The following GRID2 variants were observed in gnomAD, a reference collection of about 807,000 sequenced individuals.
GRID2 encodes glutamate receptor ionotropic, delta-2.
Under a neutral mutation model 114.8 loss-of-function variants are expected in GRID2, and 33 were observed. The observed-to-expected ratio is 0.29, with a 90% confidence interval of 0.22 to 0.38. The LOEUF (loss-of-function observed/expected upper bound fraction) is 0.38. GRID2 is among the 10% of genes least tolerant of loss of function. The probability of loss-of-function intolerance (pLI) is 1.00; values close to 1 mark genes in which losing one functional copy is unlikely to be tolerated. For synonymous variants in GRID2, 505 were observed against 449.9 expected (o/e 1.12, Z -1.55); for missense variants, 1,184 against 1,257.7 (o/e 0.94, Z 0.89).
At chr4:92,516,712 C>T (rs941812675) in intron 1 of GRID2, among the ~76,000 whole-genome samples, 10 of 151,812 alleles carry the variant, frequency 6.6e-5, no homozygotes, top group South Asian at 4.1e-4. Context: ...AAACAGGCAA[C>T]GAGATGAGTG....
chr4:92,329,648 C>T (rs556223379), intron 1 of GRID2, among the ~76,000 whole-genome samples: 2 of 151,858 alleles, frequency 1.3e-5, no homozygotes, highest in Non-Finnish European at 2.9e-5. Context: ...TGTAGAATAT[C>T]TACATATGCC....
intron 1 of GRID2, among the ~76,000 whole-genome samples, chr4:92,322,498 A>G (rs942435007): frequency 1.9e-4 from 29 of 152,280 alleles, no homozygotes; most frequent in Non-Finnish European, 4.0e-4. Context: ...ATTACTACAC[A>G]TTGCATGTGT....
chr4:92,306,960 A>G (rs919144074), intron 1 of GRID2, among the ~76,000 whole-genome samples: 1 of 152,194 alleles, frequency 6.6e-6, no homozygotes, highest in Non-Finnish European at 1.5e-5. Flanking sequence ...TAATATTGTC[A>G]TGAGGCTAGC....
At chr4:93,476,312 T>C (rs1165168362) in intron 11 of GRID2, among the ~76,000 whole-genome samples, 1 of 152,068 alleles carries the variant, frequency 6.6e-6, no homozygotes, top group African/African-American at 2.4e-5. Flanking sequence ...ATGGTGGAAG[T>C]GAGAAAAACA....
chr4:92,535,211 A>G lies in GRID2; in HGVS notation c.89-54920A>G, dbSNP rs138438112. ...AGATGTTTATATTTTAAGAATCTATATCTACAATGTAGTTAAAGAGGTGTT... is the reference window on the plus strand; with the variant it reads ...AGATGTTTATATTTTAAGAATCTATGTCTACAATGTAGTTAAAGAGGTGTT... On this transcript the variant is annotated intron_variant, in intron 1 of 15. Transcript: ENST00000282020. Among the ~76,000 whole-genome samples the G allele has an allele frequency of 1.7e-3, 263 of 152,286 alleles. 1 individual carries two copies. The highest frequency in any genetic ancestry group is 6.2e-3 in the African/African-American group (258 of 41,572).
intron 1 of GRID2, among the ~76,000 whole-genome samples, chr4:92,371,896 T>C (rs1729134080): frequency 6.6e-6 from 1 of 152,180 alleles, no homozygotes. Flanking sequence ...ACATTCATTA[T>C]TCATGGGAGA....
intron 2 of GRID2, among the ~76,000 whole-genome samples, chr4:92,936,198 C>CGAAT (rs1750662154): frequency 6.8e-6 from 1 of 146,176 alleles, no homozygotes; most frequent in African/African-American, 2.4e-5. Flanking sequence ...TCTTCACAAA[C>CGAAT]GAATCATTAT....
intron 2 of GRID2, among the ~76,000 whole-genome samples, chr4:92,697,624 T>C (rs1427927455): frequency 6.6e-6 from 1 of 152,144 alleles, no homozygotes; most frequent in Non-Finnish European, 1.5e-5. Flanking sequence ...TAAAGGGATA[T>C]ATGTGAGCTT....
At chr4:92,814,154 A>T (rs1350172046) in intron 2 of GRID2, among the ~76,000 whole-genome samples, 1 of 152,018 alleles carries the variant, frequency 6.6e-6, no homozygotes, top group Non-Finnish European at 1.5e-5. Flanking sequence ...CACATTTTGT[A>T]TTTGTGTCTT....
chr4:93,650,246 GA>G (rs1329741984), intron 14 of GRID2, among the ~76,000 whole-genome samples: 2 of 151,536 alleles, frequency 1.3e-5, no homozygotes, highest in Admixed American at 6.6e-5. Flanking sequence ...GGAAAGTGGG[GA>G]AAAAAAATAA....
At chr4:93,238,064 A>T (rs1021458976) in intron 7 of GRID2, among the ~76,000 whole-genome samples, 3 of 151,764 alleles carry the variant, frequency 2.0e-5, no homozygotes, top group African/African-American at 7.2e-5. Flanking sequence ...ATGGTGGCAA[A>T]AACTTGAGCC....
chr4:92,944,071 T>G (rs1316283272), intron 2 of GRID2, among the ~76,000 whole-genome samples: 1 of 152,176 alleles, frequency 6.6e-6, no homozygotes, highest in Non-Finnish European at 1.5e-5. Context: ...TTCTCAGATC[T>G]CCAACTGCAT....
At chr4:93,383,227 C>T (rs1037826058) in intron 8 of GRID2, among the ~76,000 whole-genome samples, 7 of 152,108 alleles carry the variant, frequency 4.6e-5, no homozygotes, top group African/African-American at 1.7e-4. Context: ...ACAGTGACTA[C>T]CTAGCCCTTC....
At chr4:92,452,292 A>C (rs1187244549) in intron 1 of GRID2, among the ~76,000 whole-genome samples, 1 of 152,032 alleles carries the variant, frequency 6.6e-6, no homozygotes, top group Non-Finnish European at 1.5e-5. Flanking sequence ...TTTGGTTAGC[A>C]AATTTAGCAA....
chr4:92,870,024 G>A lies in GRID2; in HGVS notation c.245-214971G>A, dbSNP rs138408149. On this transcript the variant is annotated intron_variant, in intron 2 of 15. Transcript: ENST00000282020. ...TGAGCAACCAATATAGTGAGACCCC[G>A]TCTCCACAAAAAAATTAAAAAAAAA... is the stretch of plus-strand genomic sequence containing the variant. Among the ~76,000 whole-genome samples the A allele has an allele frequency of 3.3e-4, 50 of 151,038 alleles. No homozygotes were observed. In the East Asian group the frequency reaches 9.2e-3, roughly 28 times the overall value.
intron 1 of GRID2, among the ~76,000 whole-genome samples, chr4:92,489,932 A>T (rs1319834844): frequency 6.6e-6 from 1 of 152,020 alleles, no homozygotes; most frequent in Non-Finnish European, 1.5e-5. Flanking sequence ...AAAATTAAGG[A>T]AGTCTTTGCA....
intron 1 of GRID2, among the ~76,000 whole-genome samples, chr4:92,524,072 A>G (rs76697838): frequency 0.011 from 1,662 of 152,142 alleles, 26 homozygotes; most frequent in African/African-American, 0.038. Flanking sequence ...TATAGGGGTT[A>G]AGAGGAAGAA....
intron 1 of GRID2, among the ~76,000 whole-genome samples, chr4:92,418,073 C>G (rs555576058): frequency 6.6e-6 from 1 of 152,068 alleles, no homozygotes; most frequent in South Asian, 2.1e-4. Context: ...GAGACTAATA[C>G]AGTTATACAT....
intron 4 of GRID2, among the ~76,000 whole-genome samples, chr4:93,153,338 C>G (rs1736895758): frequency 6.6e-6 from 1 of 151,994 alleles, no homozygotes; most frequent in Non-Finnish European, 1.5e-5. Context: ...ATCGGACTTT[C>G]ATTTTGAGGG....
Sources: allele counts gnomAD v4.1 joint callset (sites outside exome capture counted in the v4.1 genomes callset), GRCh38; gene constraint gnomAD v4.1.1; transcripts MANE v1.5; gene names NCBI Gene and HGNC (gene_info 2026-07-23, HGNC 2026-07-21).